Variants in FAM167A observed in about 807,000 individuals in gnomAD.
FAM167A encodes the protein protein FAM167A.
FAM167A carries 23 observed loss-of-function variants against 14.9 expected under a neutral mutation model. The ratio of observed to expected loss-of-function variants is 1.55; its 90% CI spans 1.11 to 2.19. The LOEUF (loss-of-function observed/expected upper bound fraction) is 2.19. Ranked by LOEUF, FAM167A falls within the 30% of genes most tolerant of loss-of-function variation. FAM167A has a pLI of 0.00. For synonymous variants in FAM167A, 174 were observed against 117.7 expected (o/e 1.48, Z -3.10); for missense variants, 401 against 281.5 (o/e 1.42, Z -3.04).
At chr8:11,431,131 C>A (rs1325748755) in intron 2 of FAM167A, among the ~76,000 whole-genome samples, 1 of 152,212 alleles carries the variant, frequency 6.6e-6, no homozygotes, top group African/African-American at 2.4e-5. Flanking sequence ...CACCAATAGG[C>A]GGAACCAACC....
At chr8:11,457,576 G>C (rs1374867584) in intron 1 of FAM167A, among the ~76,000 whole-genome samples, 4 of 152,128 alleles carry the variant, frequency 2.6e-5, no homozygotes, top group African/African-American at 9.7e-5. Flanking sequence ...TCCGAATTCT[G>C]TTCCTGACTG....
At chr8:11,439,924 G>A (rs1411507089) in intron 2 of FAM167A, among the ~76,000 whole-genome samples, 1 of 152,118 alleles carries the variant, frequency 6.6e-6, no homozygotes, top group Non-Finnish European at 1.5e-5. Context: ...CCAAAGCCCG[G>A]GCAGAGGCGT....
intron 2 of FAM167A, among the ~76,000 whole-genome samples, chr8:11,427,212 G>A (rs1361507958): frequency 6.6e-6 from 1 of 152,094 alleles, no homozygotes; most frequent in African/African-American, 2.4e-5. Flanking sequence ...ACCTTGATGG[G>A]CCTCACAGCC....
chr8:11,439,995 A>T (rs79409957), intron 2 of FAM167A, among the ~76,000 whole-genome samples: 5,540 of 152,166 alleles, frequency 0.036, 336 homozygotes, highest in African/African-American at 0.13. Flanking sequence ...GCTCCAGATC[A>T]TGCTCTTCCT....
chr8:11,452,578 C>G (rs1025039343), intron 1 of FAM167A, among the ~76,000 whole-genome samples: 1 of 152,200 alleles, frequency 6.6e-6, no homozygotes, highest in African/African-American at 2.4e-5. Flanking sequence ...CAGCTCCCTC[C>G]CTTCTCATCA....
intron 2 of FAM167A, among the ~76,000 whole-genome samples, chr8:11,436,184 G>T (rs1055316489): frequency 1.3e-5 from 2 of 152,224 alleles, no homozygotes; most frequent in African/African-American, 4.8e-5. Context: ...TGTTGCCAAC[G>T]TCAAAGGGCT....
upstream of FAM167A, among the ~76,000 whole-genome samples, chr8:11,470,568 C>T (rs866291700): frequency 3.9e-5 from 6 of 152,190 alleles, no homozygotes; most frequent in East Asian, 1.9e-4. Context: ...ACTCTGCTCT[C>T]TTGTCACTCT....
chr8:11,464,355 C>G (rs1807667916), intron 1 of FAM167A, among the ~76,000 whole-genome samples: 1 of 152,178 alleles, frequency 6.6e-6, no homozygotes, highest in Admixed American at 6.5e-5. Context: ...CCCTCGGTGG[C>G]AGCTCAGACT....
At chr8:11,452,781 T>C (rs10903338) in intron 1 of FAM167A, among the ~76,000 whole-genome samples, 127,584 of 152,170 alleles carry the variant, frequency 0.84, 53,734 homozygotes, top group African/African-American at 0.87. Context: ...TTATTTAGCA[T>C]CTATGAATGC....
chr8:11,444,588 C>T lies in FAM167A; in HGVS notation c.-177G>A. ...GGCAGGGGAGCTGAGAGGGACCGCGCAGTGAGCCGCACAGGGCGCCCTCCT... is the reference window on the plus strand; with the variant it reads ...GGCAGGGGAGCTGAGAGGGACCGCGTAGTGAGCCGCACAGGGCGCCCTCCT... On this transcript the variant is annotated 5_prime_UTR_variant, in exon 2 of 3. Transcript: ENST00000284486. 1 of 1,423,984 alleles carries T rather than the reference C, an allele frequency of 7.0e-7. No homozygotes were observed. The highest frequency in any genetic ancestry group is 9.1e-7 in the Non-Finnish European group (1 of 1,095,690). 88.2% of individuals were successfully genotyped at this position (1,423,984 alleles called of 1,614,324 possible). A position where few individuals can be genotyped will look rare whatever the true frequency, so the allele number is the denominator to read the frequency against.
chr8:11,434,898 G>C (rs1249564382), intron 2 of FAM167A: 10 of 392,738 alleles, frequency 2.5e-5, no homozygotes, highest in African/African-American at 4.1e-5. Flanking sequence ...GCCGGAGAGA[G>C]AGTGGGAGAG....
intron 1 of FAM167A, 112 bp from the exon 2 acceptor site, chr8:11,444,920 C>T (rs746205931): frequency 9.5e-5 from 83 of 873,342 alleles, no homozygotes; most frequent in Non-Finnish European, 1.1e-4. Flanking sequence ...CTGGTGGCTG[C>T]GCTTCTCATG....
chr8:11,442,580 TG>T (rs1427659581), intron 2 of FAM167A, among the ~76,000 whole-genome samples: 2 of 152,184 alleles, frequency 1.3e-5, no homozygotes, highest in African/African-American at 2.4e-5. Context: ...GAATGTTTTT[TG>T]TTCCTTCCTA....
chr8:11,469,441 G>C (rs1807886624), upstream of FAM167A, among the ~76,000 whole-genome samples: 1 of 152,122 alleles, frequency 6.6e-6, no homozygotes, highest in African/African-American at 2.4e-5. Flanking sequence ...GGGTGGGCCA[G>C]AGAAGGCAAG....
chr8:11,454,326 GCTTC>G (rs1413547379), intron 1 of FAM167A, among the ~76,000 whole-genome samples: 2 of 152,256 alleles, frequency 1.3e-5, no homozygotes, highest in African/African-American at 2.4e-5. Flanking sequence ...GAGACTCGTG[GCTTC>G]ACTCAAGGAC....
At chr8:11,467,797 C>A (rs1385792975), upstream of FAM167A, among the ~76,000 whole-genome samples, 1 of 152,248 alleles carries the variant, frequency 6.6e-6, no homozygotes, top group Non-Finnish European at 1.5e-5. Context: ...GCATCCAGCC[C>A]TGACCTACTC....
intron 2 of FAM167A, among the ~76,000 whole-genome samples, chr8:11,438,894 C>G (rs1468210051): frequency 6.6e-6 from 1 of 152,198 alleles, no homozygotes; most frequent in Non-Finnish European, 1.5e-5. Flanking sequence ...GAGCAACTTG[C>G]TACCTTCATC....
intron 1 of FAM167A, among the ~76,000 whole-genome samples, chr8:11,447,210 T>A (rs927585438): frequency 1.5e-5 from 2 of 137,588 alleles, no homozygotes; most frequent in Non-Finnish European, 3.1e-5. Flanking sequence ...GACGGAGTTT[T>A]CACTCTTGTC....
chr8:11,445,159 G>C, intron 1 of FAM167A: 2 of 985,322 alleles, frequency 2.0e-6, no homozygotes, highest in Non-Finnish European at 2.4e-6. Flanking sequence ...AGATCTCCCA[G>C]CAATAAGTTG....
Sources: gnomAD v4.1 joint callset for allele counts (sites outside exome capture counted in the v4.1 genomes callset) on GRCh38, gnomAD v4.1.1 for gene constraint, MANE v1.5 for transcripts, NCBI Gene and HGNC (gene_info 2026-07-23, HGNC 2026-07-21) for gene names.